CNOT3: variants seen among roughly 807,000 people sequenced by gnomAD.
The protein encoded by CNOT3 is CCR4-NOT transcription complex subunit 3, also known as CCR4-associated factor 3.
Under a neutral mutation model 89.4 loss-of-function variants are expected in CNOT3, and 2 were observed. The ratio of observed to expected loss-of-function variants is 0.02; its 90% CI spans 0.01 to 0.07. The LOEUF (loss-of-function observed/expected upper bound fraction) is 0.07. CNOT3 is among the 10% of genes least tolerant of loss of function. The pLI is 1.00. For missense variants in CNOT3, 664 were observed against 1,010.2 expected, an observed-to-expected ratio of 0.66 and a Z score of 4.65; for synonymous variants, 486 against 402.0, an observed-to-expected ratio of 1.21 and a Z score of -2.50.
chr19:54,141,751 T>C (rs1361325153), intron 1 of CNOT3: 2 of 152,212 alleles, frequency 1.3e-5, no homozygotes, highest in Non-Finnish European at 1.5e-5. Flanking sequence ...CAGGGTTCCC[T>C]GCCCTGCACA....
chr19:54,145,407 T>TG lies in CNOT3; in HGVS notation c.484-190dup. The TG allele has an allele frequency of 1.7e-6, 1 of 599,296 alleles. No homozygotes were observed. The highest frequency in any genetic ancestry group is 3.0e-6 in the Non-Finnish European group (1 of 335,616). The allele number at this position is 599,296 out of a possible 1,614,324, so 37.1% of individuals were successfully genotyped here. A position where few individuals can be genotyped will look rare whatever the true frequency, so the allele number is the denominator to read the frequency against. On this transcript the variant is annotated intron_variant, in intron 7 of 17. Transcript: ENST00000221232. The surrounding 1 kb of genome is among the most constrained non-coding windows in gnomAD (Gnocchi z 5.9). ...AGGAGGGAGCAGTGGGATCCCAAGA[T>TG]GTCAAGGCTAAGATTGGTCCCCACA... is the stretch of plus-strand genomic sequence containing the variant.
Position 54,142,807 on chromosome 19 carries a change from G to C in CNOT3, c.-50-122G>C, listed in dbSNP as rs1568631077. On this transcript the variant is annotated intron_variant, in intron 1 of 17. Coordinates refer to ENST00000221232, the MANE Select transcript of CNOT3 (RefSeq NM_014516.4). The stretch of plus-strand genomic sequence containing the variant: ...GAGAACTGGGGCTGGTCTCTTGTCA[G>C]ATAGCAAATGCTTCTTCTCTTTACC... 3 of 676,016 alleles carry C rather than the reference G, an allele frequency of 4.4e-6. No homozygotes were observed. In the South Asian group the frequency reaches 4.9e-5, roughly 11 times the overall value. The allele number at this position is 676,016 out of a possible 1,614,324, so 41.9% of individuals were successfully genotyped here.
chr19:54,146,821 G>A (rs1208228411), intron 10 of CNOT3, among the ~76,000 whole-genome samples, 164 bp downstream of exon 10: 1 of 152,234 alleles, frequency 6.6e-6, no homozygotes, highest in Non-Finnish European at 1.5e-5. Flanking sequence ...GTGGACAGGT[G>A]ACTGGTGCTG....
chr19:54,152,350 A>G (rs1162248628), intron 14 of CNOT3, 25 bp downstream of exon 14: 2 of 1,613,974 alleles, frequency 1.2e-6, no homozygotes, highest in South Asian at 1.1e-5. Context: ...ATGGTGGGGA[A>G]GCAGCGGGCC....
chr19:54,142,876 G>C (rs1184153163), intron 1 of CNOT3, 53 bp from the exon 2 acceptor site: 1 of 1,236,122 alleles, frequency 8.1e-7, no homozygotes, highest in Admixed American at 1.7e-5. Context: ...ATGTCTCTGG[G>C]TTTTTACCAG....
chr19:54,155,634 A>C lies in CNOT3; in HGVS notation c.*227A>C. 1 of 1,334,208 alleles carries C rather than the reference A, an allele frequency of 7.5e-7. No individual in the cohort carries two copies. The highest frequency in any genetic ancestry group is 1.0e-6 in the Non-Finnish European group (1 of 978,416). 82.6% of individuals were successfully genotyped at this position (1,334,208 alleles called of 1,614,324 possible). A position where few individuals can be genotyped will look rare whatever the true frequency, so the allele number is the denominator to read the frequency against. On this transcript the variant is annotated 3_prime_UTR_variant, in exon 18 of 18. Transcript: ENST00000221232. ...CCCAGTGAGGGACATTTTTTGGTAA[A>C]CCTATTTTCATTTTGGAAAATATTT...
At chr19:54,150,597 G>GCGCCCAGGCTGTCCAGGAGGCAGTGTGCA (rs2075027401) in intron 13 of CNOT3, among the ~76,000 whole-genome samples, 1 of 108,224 alleles carries the variant, frequency 9.2e-6, no homozygotes, top group Non-Finnish European at 2.0e-5. Flanking sequence ...GGCAGTGTGC[G>GCGCCCAGGCTGTCCAGGAGGCAGTGTGCA]CGCCCAGGCT....
chr19:54,149,846 C>G, intron 13 of CNOT3, 88 bp downstream of exon 13: 1 of 1,260,374 alleles, frequency 7.9e-7, no homozygotes, highest in Non-Finnish European at 1.0e-6. Flanking sequence ...CTTGCCCCCA[C>G]CCTCTTTCTG....
At position 54,155,458 on chromosome 19, in the gene CNOT3, G is replaced by T; in HGVS notation, c.*51G>T. On this transcript the variant is annotated 3_prime_UTR_variant, in exon 18 of 18. Coordinates refer to ENST00000221232, the MANE Select transcript of CNOT3 (RefSeq NM_014516.4). ...CCTTCCCCCGCATGCTGATCCCCCT[G>T]CCCAGGTGAGGGCCCTGCCCTGGAA... 1.6e-6 allele frequency: 2 copies of T among 1,229,086 alleles called. No individual in the cohort carries two copies. 76.1% of individuals were successfully genotyped at this position (1,229,086 alleles called of 1,614,324 possible). A position where few individuals can be genotyped will look rare whatever the true frequency, so the allele number is the denominator to read the frequency against.
At chr19:54,143,286 A>AT (rs1199755403) in intron 3 of CNOT3, 100 bp downstream of exon 3, 2 of 1,091,182 alleles carry the variant, frequency 1.8e-6, no homozygotes, top group Non-Finnish European at 2.7e-6. Flanking sequence ...GGGGCTACAT[A>AT]TGCAGATGCT....
chr19:54,146,657 G>A lies in CNOT3; in HGVS notation c.894G>A (p.Gln298=). 6.5e-7 allele frequency: 1 copy of A among 1,535,904 alleles called. No individual in the cohort carries two copies. The change falls in exon 10 of 18, where the codon CAG becomes CAA. Residue 298 remains glutamine (Q), a splice_region_variant and synonymous_variant. Transcript: ENST00000221232. ...RGRSTDSEVS[Q]SPAKNGSKPV... The stretch of plus-strand genomic sequence containing the variant: ...GTTCCACAGACAGTGAAGTCAGCCA[G>A]GTGGGTGTGAGCCTGGACCGGGTGG...
rs200821584 is a variant in CNOT3 at position 54,145,917 on chromosome 19, G to T, written c.711G>T (p.Ala237=). 2 of 1,613,436 alleles carry T rather than the reference G, an allele frequency of 1.2e-6. No individual in the cohort carries two copies. The highest frequency in any genetic ancestry group is 1.7e-6 in the Non-Finnish European group (2 of 1,179,898). Residue 237 remains alanine, a synonymous_variant, in exon 9 of 18, where the codon GCG becomes GCT. Coordinates refer to ENST00000221232, the MANE Select transcript of CNOT3 (RefSeq NM_014516.4). The surrounding 1 kb of genome is among the most constrained non-coding windows in gnomAD (Gnocchi z 5.9). Reference sequence around the variant, plus strand: ...CTTCTTCTGCCCCCACAGCACAGGCGCTGGTCGCCACCTCCCCCCCCAGCC... The same window carrying T: ...CTTCTTCTGCCCCCACAGCACAGGCTCTGGTCGCCACCTCCCCCCCCAGCC... ...DDLDLEDIPQ[A]LVATSPPSHS... is the part of the protein sequence containing the mutation.
rs143820433 is a variant in CNOT3 at position 54,144,143 on chromosome 19, G to T, written c.387+9G>T. 726 of 1,607,880 alleles carry T rather than the reference G, an allele frequency of 4.5e-4. 1 individual carries two copies. In the African/African-American group the frequency reaches 8.2e-3, roughly 18 times the overall value. ...TTGGCCAGTGGCTCACGGTGAGTTG[G>T]GGTAGAGAAGAGGAGGTGAACTCTG... On this transcript the variant is annotated intron_variant, in intron 6 of 17. Coordinates refer to ENST00000221232, the MANE Select transcript of CNOT3 (RefSeq NM_014516.4). The surrounding 1 kb of genome is among the most constrained non-coding windows in gnomAD (Gnocchi z 4.8).
chr19:54,147,149 C>G (rs114546995), intron 10 of CNOT3, among the ~76,000 whole-genome samples: 357 of 152,320 alleles, frequency 2.3e-3, no homozygotes, highest in African/African-American at 8.1e-3. Context: ...GCTGATAATA[C>G]ACACTGCAAA....
chr19:54,153,078 G>A, intron 16 of CNOT3, 79 bp downstream of exon 16: 2 of 1,493,802 alleles, frequency 1.3e-6, no homozygotes, highest in Non-Finnish European at 9.2e-7. Context: ...GGCTGGAGGG[G>A]TGAGGTGGGT....
intron 13 of CNOT3, among the ~76,000 whole-genome samples, chr19:54,151,106 G>T (rs1336917247): frequency 1.3e-5 from 2 of 152,108 alleles, no homozygotes; most frequent in Non-Finnish European, 2.9e-5. Context: ...TTTAGAAGTA[G>T]GTGGACAGGA....
At chr19:54,140,399 T>C (rs142052298) in intron 1 of CNOT3, among the ~76,000 whole-genome samples, 263 of 152,036 alleles carry the variant, frequency 1.7e-3, no homozygotes, top group African/African-American at 6.1e-3. Flanking sequence ...CGCCTGAGAG[T>C]GGACCTGCGA....
chr19:54,146,695 C>T, intron 10 of CNOT3, 38 bp downstream of exon 10: 2 of 1,169,428 alleles, frequency 1.7e-6, no homozygotes, highest in Non-Finnish European at 1.3e-6. Flanking sequence ...ACGCCATTCA[C>T]TCCTCTGTTG....
At chr19:54,155,057 G>A in intron 17 of CNOT3, 1 of 548,528 alleles carries the variant, frequency 1.8e-6, no homozygotes, top group Admixed American at 3.5e-5. Flanking sequence ...TGGGGCTGGG[G>A]CCCCGTTCTG....
Sources: allele counts gnomAD v4.1 joint callset (sites outside exome capture counted in the v4.1 genomes callset), GRCh38; gene constraint gnomAD v4.1.1; non-coding constraint Gnocchi (gnomAD v3.1); transcripts MANE v1.5; gene names NCBI Gene and HGNC (gene_info 2026-07-23, HGNC 2026-07-21).